The following PCDH15 variants were observed in gnomAD, a reference collection of about 807,000 sequenced individuals.
PCDH15 encodes the protein protocadherin related 15.
In PCDH15, 129 loss-of-function variants were observed where a neutral mutation model predicts 178.5. The observed-to-expected ratio is 0.72, with a 90% CI of 0.63 to 0.84. The LOEUF is 0.84. Among genes scored for constraint, PCDH15 ranks in the 40% least tolerant of loss-of-function variants. The pLI, the probability that PCDH15 is intolerant of heterozygous loss-of-function variation, is 0.00. For synonymous variants in PCDH15, 800 were observed against 732.0 expected (o/e 1.09, Z -1.50); for missense variants, 2,230 against 2,099.9 (o/e 1.06, Z -1.21).
chr10:55,350,851 G>A lies in PCDH15; in HGVS notation c.-155-184200C>T, dbSNP rs1844909445. On this transcript the variant is annotated intron_variant, in intron 2 of 5. Transcript: ENST00000613346. The stretch of plus-strand genomic sequence containing the variant: ...ATGGGAAATTCTCACACAACTGTTT[G>A]GATTCTACCAATTGGCTCTTCTCAA... Among the ~76,000 whole-genome samples the A allele has an allele frequency of 2.0e-5, 3 of 151,862 alleles. No individual in the cohort carries two copies. The South Asian group carries it at 6.2e-4, about 32-fold the overall frequency.
chr10:55,614,533 A>G (rs567225460), intron 2 of PCDH15, among the ~76,000 whole-genome samples: 1 of 152,342 alleles, frequency 6.6e-6, no homozygotes, highest in South Asian at 2.1e-4. Flanking sequence ...TCATTTTAAT[A>G]GTATTTTCTG....
chr10:55,210,747 G>A lies in PCDH15; in HGVS notation c.-155-44096C>T, dbSNP rs2921123. Among the ~76,000 whole-genome samples, 3 of 143,378 alleles carry A rather than the reference G, an allele frequency of 2.1e-5. No homozygotes were observed. The South Asian group carries it at 6.9e-4, about 33-fold the overall frequency. The allele number at this position is 143,378 out of a possible 152,430, so 94.1% of individuals were successfully genotyped here. A position where few individuals can be genotyped will look rare whatever the true frequency, so the allele number is the denominator to read the frequency against. ...GTGTTCAAGTGATTCTCCTGCCTCAGATTCCCTAGTAGCTGGGACTACAGC... is the reference window on the plus strand; with the variant it reads ...GTGTTCAAGTGATTCTCCTGCCTCAAATTCCCTAGTAGCTGGGACTACAGC... On this transcript the variant is annotated intron_variant, in intron 1 of 5. Transcript: ENST00000458638.
At chr10:55,611,921 G>C (rs1343886260) in intron 2 of PCDH15, among the ~76,000 whole-genome samples, 2 of 151,998 alleles carry the variant, frequency 1.3e-5, no homozygotes, top group African/African-American at 2.4e-5. Context: ...GTCAGGTACA[G>C]AAAGACAAAT....
At chr10:54,671,735 GAATT>G (rs1365392529) in intron 1 of PCDH15, among the ~76,000 whole-genome samples, 1 of 152,104 alleles carries the variant, frequency 6.6e-6, no homozygotes, top group East Asian at 1.9e-4. Context: ...AAAACTAAAT[GAATT>G]AATAATAAAT....
chr10:54,581,408 A>AAT (rs1360347276), intron 2 of PCDH15, among the ~76,000 whole-genome samples: 2 of 152,118 alleles, frequency 1.3e-5, no homozygotes, highest in African/African-American at 4.8e-5. Flanking sequence ...ATAACTACAC[A>AAT]ATATTGCTGA....
chr10:54,256,539 A>G (rs2056911591), intron 8 of PCDH15, among the ~76,000 whole-genome samples: 1 of 152,164 alleles, frequency 6.6e-6, no homozygotes, highest in African/African-American at 2.4e-5. Context: ...GTAATAAGTA[A>G]TATAGATTGA....
At chr10:54,538,063 T>C (rs866599043) in intron 2 of PCDH15, among the ~76,000 whole-genome samples, 4 of 152,208 alleles carry the variant, frequency 2.6e-5, no homozygotes, top group Non-Finnish European at 5.9e-5. Flanking sequence ...ATTGTGTAGG[T>C]TGTATTTTTA....
chr10:55,534,547 A>G (rs185542596), intron 2 of PCDH15, among the ~76,000 whole-genome samples: 16 of 152,256 alleles, frequency 1.1e-4, no homozygotes, highest in Middle Eastern at 3.4e-3. Flanking sequence ...CAGAATGGCT[A>G]TTATGAAAAA....
intron 9 of PCDH15, among the ~76,000 whole-genome samples, chr10:54,230,443 T>C (rs1176687837): frequency 6.6e-6 from 1 of 151,928 alleles, no homozygotes; most frequent in Non-Finnish European, 1.5e-5. Flanking sequence ...AAATACAAAA[T>C]GAAATATGGT....
At chr10:55,118,505 A>G (rs1837682186) in intron 2 of PCDH15, among the ~76,000 whole-genome samples, 1 of 152,172 alleles carries the variant, frequency 6.6e-6, no homozygotes, top group South Asian at 2.1e-4. Context: ...GGGGACTTTG[A>G]AAAAATCCCA....
chr10:55,034,446 T>G (rs78367823), intron 2 of PCDH15, among the ~76,000 whole-genome samples: 4,097 of 152,210 alleles, frequency 0.027, 282 homozygotes, highest in East Asian at 0.22. Context: ...AATATATAAA[T>G]CTTAGATTAC....
chr10:54,543,641 T>G (rs1416391232), intron 2 of PCDH15, among the ~76,000 whole-genome samples: 1 of 152,204 alleles, frequency 6.6e-6, no homozygotes, highest in East Asian at 1.9e-4. Context: ...ATCATATGAT[T>G]TGGATCATTC....
At chr10:54,051,679 G>T (rs1302770288) in intron 18 of PCDH15, among the ~76,000 whole-genome samples, 1 of 152,116 alleles carries the variant, frequency 6.6e-6, no homozygotes, top group Non-Finnish European at 1.5e-5. Flanking sequence ...CATTTTCTGG[G>T]GAGAAATTCA....
intron 3 of PCDH15, among the ~76,000 whole-genome samples, chr10:54,414,909 G>T (rs1210804909): frequency 2.0e-5 from 3 of 151,894 alleles, no homozygotes; most frequent in South Asian, 2.1e-4. Flanking sequence ...ATTAAAAATA[G>T]AATTTTATTT....
intron 8 of PCDH15, among the ~76,000 whole-genome samples, chr10:54,238,594 C>T (rs920303856): frequency 2.0e-5 from 3 of 151,336 alleles, no homozygotes; most frequent in African/African-American, 7.3e-5. Context: ...CAAAATTACT[C>T]CATTAAATCC....
At chr10:54,819,837 AT>A (rs1953007489) in intron 3 of PCDH15, among the ~76,000 whole-genome samples, 1 of 152,004 alleles carries the variant, frequency 6.6e-6, no homozygotes, top group South Asian at 2.1e-4. Context: ...TCATGACTAG[AT>A]TATCTTCATT....
At chr10:54,579,334 A>G (rs377248503) in intron 2 of PCDH15, among the ~76,000 whole-genome samples, 2 of 152,008 alleles carry the variant, frequency 1.3e-5, no homozygotes, top group African/African-American at 4.8e-5. Context: ...AAAAAGAACA[A>G]CAGTCACTTG....
chr10:55,192,001 T>A (rs1458761424), intron 1 of PCDH15, among the ~76,000 whole-genome samples: 1 of 151,946 alleles, frequency 6.6e-6, no homozygotes, highest in African/African-American at 2.4e-5. Flanking sequence ...CAAGAAAATG[T>A]TTAGCTATTC....
chr10:54,610,529 C>CTA (rs2092927007), intron 2 of PCDH15, among the ~76,000 whole-genome samples: 1 of 151,832 alleles, frequency 6.6e-6, no homozygotes, highest in Non-Finnish European at 1.5e-5. Context: ...ATTCAAAAAT[C>CTA]TATAGAGTTA....
Sources: allele counts gnomAD v4.1 joint callset (sites outside exome capture counted in the v4.1 genomes callset), GRCh38; gene constraint gnomAD v4.1.1; transcripts MANE v1.5; gene names NCBI Gene and HGNC (gene_info 2026-07-23, HGNC 2026-07-21).